The following RAI1 variants were observed in gnomAD, a reference collection of about 807,000 sequenced individuals.
RAI1 encodes the protein retinoic acid induced 1, also known as retinoic acid-induced protein 1.
A neutral mutation model predicts 123.8 loss-of-function variants in RAI1; 9 were observed. The observed-to-expected ratio is 0.07, with a 90% CI of 0.04 to 0.13. RAI1 has a LOEUF of 0.13. Ranked by LOEUF, RAI1 falls within the 10% of genes least tolerant of loss-of-function variation. The pLI is 1.00. For synonymous variants in RAI1, 1,231 were observed against 1,127.3 expected (o/e 1.09, Z -1.84); for missense variants, 2,256 against 2,545.8 (o/e 0.89, Z 2.45).
intron 2 of RAI1, among the ~76,000 whole-genome samples, chr17:17,782,901 GA>G (rs1409553693): frequency 6.6e-6 from 1 of 152,202 alleles, no homozygotes; most frequent in African/African-American, 2.4e-5. Context: ...GGGAGCTGCG[GA>G]GGCCGTACGC....
chr17:17,806,727 G>A (rs1475385114), intron 4 of RAI1, among the ~76,000 whole-genome samples: 1 of 152,208 alleles, frequency 6.6e-6, no homozygotes, highest in African/African-American at 2.4e-5. Context: ...GCCTGGGTGC[G>A]TCCTCATGGC....
chr17:17,694,292 C>A (rs1914935154), intron 1 of RAI1, among the ~76,000 whole-genome samples: 1 of 152,160 alleles, frequency 6.6e-6, no homozygotes, highest in African/African-American at 2.4e-5. Flanking sequence ...CCTGAGGAAC[C>A]AAACTGCCCC....
rs150501706 is a variant in RAI1 at position 17,797,034 on chromosome 17, C to T, written c.4086C>T (p.Ser1362=). ...GTAATCCTCTGAGCCCATCCCTTTC[C>T]GACAAAGACCGTGGGCTCAAGGGTG... is the stretch of plus-strand genomic sequence containing the variant. ...SPGNPLSPSL[S]DKDRGLKGAG... is the part of the protein sequence containing the mutation. The change falls in exon 3 of 6, where the codon TCC becomes TCT. Residue 1362 remains serine, a synonymous_variant. Transcript: ENST00000353383. 1.5e-5 allele frequency: 25 copies of T among 1,613,770 alleles called. No individual in the cohort carries two copies. The highest frequency in any genetic ancestry group is 3.3e-5 in the South Asian group (3 of 91,092).
intron 2 of RAI1, among the ~76,000 whole-genome samples, chr17:17,753,605 C>T (rs1471534516): frequency 6.6e-6 from 1 of 152,196 alleles, no homozygotes. Context: ...GTGCTATAAA[C>T]CACCCCGAAG....
chr17:17,687,006 T>A (rs1914665278), intron 1 of RAI1, among the ~76,000 whole-genome samples: 1 of 152,012 alleles, frequency 6.6e-6, no homozygotes, highest in Admixed American at 6.5e-5. Flanking sequence ...TTTTTTGAGA[T>A]GGAGTCTTGC....
At chr17:17,740,331 A>C (rs555885362) in intron 2 of RAI1, among the ~76,000 whole-genome samples, 1 of 152,304 alleles carries the variant, frequency 6.6e-6, no homozygotes, top group South Asian at 2.1e-4. Context: ...CTTAGGTCCC[A>C]GGGGCTGGTG....
chr17:17,779,760 C>T (rs2031495592), intron 2 of RAI1, among the ~76,000 whole-genome samples: 2 of 144,752 alleles, frequency 1.4e-5, no homozygotes, highest in African/African-American at 5.2e-5. Context: ...CTCTCTAGTC[C>T]CCTCCCCACC....
At chr17:17,775,741 C>G (rs983053528) in intron 2 of RAI1, among the ~76,000 whole-genome samples, 8 of 152,104 alleles carry the variant, frequency 5.3e-5, no homozygotes, top group Non-Finnish European at 8.8e-5. Flanking sequence ...GAGGGTCTTG[C>G]TGTCTCGGGT....
At chr17:17,719,873 A>C (rs1042695121) in intron 1 of RAI1, among the ~76,000 whole-genome samples, 2 of 152,152 alleles carry the variant, frequency 1.3e-5, no homozygotes, top group African/African-American at 4.8e-5. Flanking sequence ...TAGAGATTTG[A>C]AGTTGCTGCC....
Position 17,795,434 on chromosome 17 carries a change from C to A in RAI1, c.2486C>A (p.Pro829His), listed in dbSNP as rs2032198283. Residue 829 changes from proline to histidine, a missense_variant, in exon 3 of 6, where the codon CCC (proline) becomes CAC (histidine). By Grantham distance (77) the Pro-to-His change is moderately conservative (BLOSUM62 -2). Coordinates refer to ENST00000353383, the MANE Select transcript of RAI1 (RefSeq NM_030665.4). The surrounding 1 kb of genome is among the most constrained non-coding windows in gnomAD (Gnocchi z 5.9). The part of the protein sequence containing the change: ...KEEAGGLLQC[P>H]EVAKADRWLE... ...GAGGCAGGTGGGCTGCTGCAGTGCC[C>A]CGAGGTGGCCAAGGCTGACCGGTGG... is the stretch of plus-strand genomic sequence containing the variant. 6.3e-7 allele frequency: 1 copy of A among 1,590,364 alleles called. No individual in the cohort carries two copies.
At chr17:17,728,336 A>G (rs1017864164) in intron 2 of RAI1, among the ~76,000 whole-genome samples, 1 of 152,112 alleles carries the variant, frequency 6.6e-6, no homozygotes, top group Non-Finnish European at 1.5e-5. Flanking sequence ...GAAAATCTTA[A>G]AAGACCGTCT....
Position 17,800,875 on chromosome 17 carries a change from T to C in RAI1, c.5565+2362T>C, listed in dbSNP as rs2143004493. 6.6e-6 allele frequency among the ~76,000 whole-genome samples: 1 copy of C among 152,318 alleles called. No individual in the cohort carries two copies. The highest frequency in any genetic ancestry group is 1.9e-4 in the East Asian group (1 of 5,180). On this transcript the variant is annotated intron_variant, in intron 3 of 5. Coordinates refer to ENST00000353383, the MANE Select transcript of RAI1 (RefSeq NM_030665.4). The surrounding 1 kb of genome is among the most constrained non-coding windows in gnomAD (Gnocchi z 4.7). ...GTGAGACCCTGGTTCAAATCCCAGC[T>C]CTGCCGAGGGCTGGTTCCATAGCTC...
At chr17:17,779,437 A>T (rs1279406711) in intron 2 of RAI1, 1 of 157,664 alleles carries the variant, frequency 6.3e-6, no homozygotes. Flanking sequence ...CCCTGTCTTG[A>T]AACCCCAGCC....
rs551064342 is a variant in RAI1, at chr17:17,794,244, G to A, written c.1296G>A (p.Leu432=). The A allele has an allele frequency of 1.9e-6, 3 of 1,613,370 alleles. 1 individual carries two copies. In the South Asian group the frequency reaches 3.3e-5, roughly 18 times the overall value. ...AGAACCTGCTGTCGGATCTCAGCCT[G>A]CAGAGCCTCACGGCGCTGACCTCAC... ...LPENLLSDLS[L]QSLTALTSQV... The change falls in exon 3 of 6, where the codon CTG becomes CTA. Residue 432 remains leucine, a synonymous_variant. Transcript: ENST00000353383.
chr17:17,759,861 C>T (rs1055867335), intron 2 of RAI1, among the ~76,000 whole-genome samples: 1 of 152,176 alleles, frequency 6.6e-6, no homozygotes, highest in Non-Finnish European at 1.5e-5. Context: ...TTGGACAGAG[C>T]CCACTAGGAT....
intron 2 of RAI1, among the ~76,000 whole-genome samples, chr17:17,743,705 G>T (rs952178628): frequency 1.3e-5 from 2 of 152,268 alleles, no homozygotes; most frequent in African/African-American, 4.8e-5. Context: ...GATTTGGCTG[G>T]TTGGGCACAT....
At chr17:17,792,898 T>TG in intron 2 of RAI1, 35 bp from the exon 3 acceptor site, 2 of 606,858 alleles carry the variant, frequency 3.3e-6, no homozygotes, top group African/African-American at 1.9e-5. Flanking sequence ...CCTCCCTCCT[T>TG]CCCTCCCTCC....
rs542714936 is a variant in RAI1, at chr17:17,795,978, C to A, written c.3030C>A (p.Ala1010=). The A allele has an allele frequency of 1.0e-4, 165 of 1,601,208 alleles. No homozygotes were observed. Among genetic ancestry groups the A allele is most frequent in the Non-Finnish European group, 1.3e-4 (154 of 1,176,098 alleles). ...GGGTGCACCGGGGGCTGCCCGAGGC[C>A]GAGGACTCCCCATGCAGGGCACCAG... ...SRRVHRGLPE[A]EDSPCRAPVL... is the part of the protein sequence containing the mutation. Residue 1010 remains alanine, a synonymous_variant, in exon 3 of 6, where the codon GCC becomes GCA. Coordinates refer to ENST00000353383, the MANE Select transcript of RAI1 (RefSeq NM_030665.4). This position sits in a 1 kb window ranked among gnomAD's most constrained non-coding sequence, Gnocchi z 5.9.
chr17:17,757,079 C>A (rs1422371021), intron 2 of RAI1, among the ~76,000 whole-genome samples: 1 of 152,058 alleles, frequency 6.6e-6, no homozygotes, highest in Non-Finnish European at 1.5e-5. Context: ...AGATGGAGGC[C>A]CAGGGAGGGA....
Sources: gnomAD v4.1 joint callset for allele counts (sites outside exome capture counted in the v4.1 genomes callset) on GRCh38, gnomAD v4.1.1 for gene constraint, Gnocchi (gnomAD v3.1) non-coding constraint, MANE v1.5 for transcripts, NCBI Gene and HGNC (gene_info 2026-07-23, HGNC 2026-07-21) for gene names.